CSMD1: variants seen among roughly 807,000 people sequenced by gnomAD.
The protein encoded by CSMD1 is CUB and sushi domain-containing protein 1.
In CSMD1, 213 loss-of-function variants were observed where a neutral mutation model predicts 417.5. The observed-to-expected ratio is 0.51, with a 90% CI of 0.46 to 0.57. CSMD1 has a LOEUF of 0.57. Among genes scored for constraint, CSMD1 ranks in the 20% least tolerant of loss-of-function variants. CSMD1 has a pLI of 0.00. For missense variants in CSMD1, 6,923 were observed against 4,529.7 expected (o/e 1.53, Z -15.17); for synonymous variants, 2,862 against 1,736.8 (o/e 1.65, Z -16.11).
intron 3 of CSMD1, among the ~76,000 whole-genome samples, chr8:4,162,883 T>C (rs914254006): frequency 2.0e-5 from 3 of 152,168 alleles, no homozygotes; most frequent in African/African-American, 7.2e-5. Flanking sequence ...CCCTAAAAAT[T>C]TCCCTGTTGA....
In CSMD1 at chr8:3,602,334, T is replaced by C. The variant is rs185851535; in HGVS notation, c.1097+14376A>G. On this transcript the variant is annotated intron_variant, in intron 8 of 69. Transcript: ENST00000635120. The stretch of plus-strand genomic sequence containing the variant: ...AGATCAATGAACACTAACTCTCTTC[T>C]TTCCTTCAACAAATTTCCGGTGGAG... Among the ~76,000 whole-genome samples the C allele has an allele frequency of 9.2e-5, 14 of 152,278 alleles. No individual in the cohort carries two copies. In the East Asian group the frequency reaches 2.5e-3, roughly 27 times the overall value.
At chr8:4,584,314 C>G (rs1053597191) in intron 2 of CSMD1, among the ~76,000 whole-genome samples, 14 of 151,872 alleles carry the variant, frequency 9.2e-5, no homozygotes, top group African/African-American at 3.4e-4. Flanking sequence ...AGACCGTCGC[C>G]TATCGCCGAG....
At chr8:3,944,707 A>C (rs894884483) in intron 5 of CSMD1, among the ~76,000 whole-genome samples, 4 of 152,174 alleles carry the variant, frequency 2.6e-5, no homozygotes, top group African/African-American at 9.7e-5. Flanking sequence ...GCCTCAGGAC[A>C]TTTGTCTCTT....
chr8:4,895,638 G>C (rs1050029142), intron 1 of CSMD1, among the ~76,000 whole-genome samples: 3 of 151,188 alleles, frequency 2.0e-5, no homozygotes, highest in African/African-American at 7.3e-5. Flanking sequence ...CTGATGTTGT[G>C]GTTGGTCTGA....
intron 2 of CSMD1, among the ~76,000 whole-genome samples, chr8:4,462,858 A>G (rs1269610549): frequency 1.3e-5 from 2 of 152,138 alleles, no homozygotes; most frequent in Non-Finnish European, 2.9e-5. Flanking sequence ...TGCAGCTCAA[A>G]CTCTTTGAAG....
At chr8:4,832,333 T>A (rs1302033401) in intron 1 of CSMD1, among the ~76,000 whole-genome samples, 1 of 152,124 alleles carries the variant, frequency 6.6e-6, no homozygotes, top group African/African-American at 2.4e-5. Flanking sequence ...CTTACGGAGA[T>A]GCAATGCCTG....
chr8:3,756,982 G>A lies in CSMD1; in HGVS notation c.819-2940C>T, dbSNP rs1013545700. ...TAGTTTTGTAATCTTTTAATTTTTT[G>A]TAGAGACTGGGGGTCTCACTATGTT... On this transcript the variant is annotated intron_variant, in intron 5 of 69. Transcript: ENST00000635120. Among the ~76,000 whole-genome samples, 16 of 152,156 alleles carry A rather than the reference G, an allele frequency of 1.1e-4. No individual in the cohort carries two copies. The East Asian group carries it at 3.1e-3, about 29-fold the overall frequency.
intron 3 of CSMD1, among the ~76,000 whole-genome samples, chr8:4,059,263 T>C (rs1275733077): frequency 6.6e-6 from 1 of 152,066 alleles, no homozygotes; most frequent in Non-Finnish European, 1.5e-5. Flanking sequence ...AGACACAACA[T>C]ACCAGAATCT....
intron 5 of CSMD1, among the ~76,000 whole-genome samples, chr8:3,755,621 A>T (rs1211469618): frequency 6.6e-6 from 1 of 152,056 alleles, no homozygotes; most frequent in Admixed American, 6.6e-5. Flanking sequence ...CTGTGTAGAG[A>T]GCATTTCCCT....
chr8:4,272,693 G>C (rs1013721171), intron 3 of CSMD1, among the ~76,000 whole-genome samples: 1 of 152,062 alleles, frequency 6.6e-6, no homozygotes, highest in Non-Finnish European at 1.5e-5. Flanking sequence ...AATATATTTG[G>C]AAGACTGTAC....
intron 51 of CSMD1, among the ~76,000 whole-genome samples, chr8:3,025,985 G>T (rs1017781651): frequency 3.3e-5 from 5 of 152,088 alleles, no homozygotes; most frequent in Non-Finnish European, 7.4e-5. Context: ...TTCGAAGGTG[G>T]TCCCTACGTG....
At chr8:4,209,625 C>A (rs934641106) in intron 3 of CSMD1, among the ~76,000 whole-genome samples, 10 of 152,130 alleles carry the variant, frequency 6.6e-5, no homozygotes, top group Admixed American at 3.9e-4. Flanking sequence ...GACAAGCCCC[C>A]GAATTGGGGC....
At chr8:4,211,552 A>G (rs1334854274) in intron 3 of CSMD1, among the ~76,000 whole-genome samples, 1 of 152,182 alleles carries the variant, frequency 6.6e-6, no homozygotes, top group African/African-American at 2.4e-5. Flanking sequence ...CATTCCAAGA[A>G]ATGTTTACTC....
intron 5 of CSMD1, among the ~76,000 whole-genome samples, chr8:3,881,363 C>A (rs144497493): frequency 6.6e-6 from 1 of 150,900 alleles, no homozygotes; most frequent in African/African-American, 2.4e-5. Context: ...GGGCCGGGTG[C>A]GGTGGCTTAT....
At position 3,407,999 on chromosome 8, in the gene CSMD1, A is replaced by G; in HGVS notation, c.1971T>C (p.Asn657=). The G allele has an allele frequency of 6.2e-7, 1 of 1,613,990 alleles. No homozygotes were observed. The highest frequency in any genetic ancestry group is 8.5e-7 in the Non-Finnish European group (1 of 1,179,880). ...TGCTGGCCAGCTGGGAAGGCACTTC[A>G]TTGCCAGAAAAAGTACCCAGGACAG... is the stretch of plus-strand genomic sequence containing the variant. The part of the protein sequence containing the change: ...DITVLGTFSG[N]EVPSQLASSG... Residue 657 remains asparagine, a synonymous_variant, in exon 14 of 70, where the codon AAT becomes AAC. Transcript: ENST00000635120.
intron 3 of CSMD1, among the ~76,000 whole-genome samples, chr8:4,374,610 T>A (rs952029136): frequency 1.3e-5 from 2 of 152,094 alleles, no homozygotes; most frequent in African/African-American, 4.8e-5. Flanking sequence ...TAAGAAATGG[T>A]CCTGAAAGCC....
rs1370018788 is a variant in CSMD1, at chr8:4,853,134, G to C, written c.85+141198C>G. 2.0e-5 allele frequency among the ~76,000 whole-genome samples: 3 copies of C among 152,170 alleles called. No homozygotes were observed. In the East Asian group the frequency reaches 5.8e-4, roughly 29 times the overall value. On this transcript the variant is annotated intron_variant, in intron 1 of 69. Coordinates refer to ENST00000635120, the MANE Select transcript of CSMD1 (RefSeq NM_033225.6). ...TGTTTTTAGTGGAAGAATCCAAGTG[G>C]GCTATGGAGCAAACACTTTCTAGAG...
chr8:4,509,622 C>T (rs1413361523), intron 2 of CSMD1, among the ~76,000 whole-genome samples: 1 of 152,128 alleles, frequency 6.6e-6, no homozygotes, highest in East Asian at 1.9e-4. Context: ...CCCTGCAGAC[C>T]ATTATCATCA....
intron 1 of CSMD1, among the ~76,000 whole-genome samples, chr8:4,986,517 C>T (rs1263004007): frequency 1.3e-5 from 2 of 152,112 alleles, no homozygotes; most frequent in Non-Finnish European, 2.9e-5. Flanking sequence ...AGATCACTCT[C>T]CAAATAATTC....
Sources: allele counts gnomAD v4.1 joint callset (sites outside exome capture counted in the v4.1 genomes callset), GRCh38; gene constraint gnomAD v4.1.1; transcripts MANE v1.5; gene names NCBI Gene and HGNC (gene_info 2026-07-23, HGNC 2026-07-21).